Variants in ZNF236 observed in about 807,000 individuals in gnomAD.
The protein encoded by ZNF236 is zinc finger protein 236, also known as regulated by glucose.
A neutral mutation model predicts 191.2 loss-of-function variants in ZNF236; 50 were observed. That is an observed-to-expected ratio of 0.26 (90% CI 0.21 to 0.33). The LOEUF is 0.33. Among genes scored for constraint, ZNF236 ranks in the 10% least tolerant of loss-of-function variants. The pLI is 1.00. For missense variants in ZNF236, 1,754 were observed against 2,374.5 expected (o/e 0.74, Z 5.43); for synonymous variants, 907 against 928.8 (o/e 0.98, Z 0.43).
Position 76,905,333 on chromosome 18 carries a change from G to A in ZNF236, c.2215G>A (p.Asp739Asn). ...ACGGCGACACATGGGTATCCACAACGACCTTCGTCCCTATATGTGTCCCTA... is the reference window on the plus strand; with the variant it reads ...ACGGCGACACATGGGTATCCACAACAACCTTCGTCCCTATATGTGTCCCTA... ...SLRRHMGIHN[D>N]LRPYMCPYCQ... Residue 739 changes from aspartate (D) to asparagine (N), a missense_variant, in exon 13 of 31, where the codon GAC (aspartate) becomes AAC (asparagine). By Grantham distance (23) the Asp-to-Asn change is conservative (BLOSUM62 1). Around this residue, in one of 5 missense-constraint regions of ZNF236, gnomAD observed 641 missense variants for 869.6 expected, o/e 0.74. Coordinates refer to ENST00000320610, the MANE Select transcript of ZNF236 (RefSeq NM_001306089.2). 9 of 1,614,164 alleles carry A rather than the reference G, an allele frequency of 5.6e-6. No individual in the cohort carries two copies. The highest frequency in any genetic ancestry group is 2.2e-5 in the South Asian group (2 of 91,064).
At chr18:76,891,647 G>A (rs142643370) in intron 9 of ZNF236, among the ~76,000 whole-genome samples, 1 of 152,080 alleles carries the variant, frequency 6.6e-6, no homozygotes, top group African/African-American at 2.4e-5. Context: ...CAAAGTGCTG[G>A]TATTACAGTC....
At position 76,960,778 on chromosome 18, in the gene ZNF236, A is replaced by G. The variant is rs868541435; in HGVS notation, c.5342A>G (p.Lys1781Arg). ...AAGCACACGGGGGAGCGGCCCTACA[A>G]GTGTGCCTACTGCGTCATGGGCTTC... ...MKKHTGERPY[K>R]CAYCVMGFTQ... Residue 1781 changes from lysine to arginine, a missense_variant, in exon 30 of 31, where the codon AAG (lysine) becomes AGG (arginine). This residue lies in a region of ZNF236 where 606 missense variants were observed against 761.5 expected (regional missense o/e 0.80). Transcript: ENST00000320610. The surrounding 1 kb of genome is among the most constrained non-coding windows in gnomAD (Gnocchi z 4.4). 5 of 1,614,060 alleles carry G rather than the reference A, an allele frequency of 3.1e-6. No individual in the cohort carries two copies. Among genetic ancestry groups the G allele is most frequent in the South Asian group, 1.1e-5 (1 of 91,086 alleles).
chr18:76,875,811 A>T lies in ZNF236; in HGVS notation c.840+147A>T. 1 of 872,708 alleles carries T rather than the reference A, an allele frequency of 1.1e-6. No homozygotes were observed. The highest frequency in any genetic ancestry group is 1.7e-5 in the African/African-American group (1 of 57,660). The allele number at this position is 872,708 out of a possible 1,614,324, so 54.1% of individuals were successfully genotyped here. On this transcript the variant is annotated intron_variant, in intron 6 of 30. Coordinates refer to ENST00000320610, the MANE Select transcript of ZNF236 (RefSeq NM_001306089.2). The surrounding 1 kb of genome is among the most constrained non-coding windows in gnomAD (Gnocchi z 4.3). ...GCAGACCCTGTTTTAAAAAATACAT[A>T]CGTGGGAATTTTTTTGGTTTATTAC...
intron 10 of ZNF236, among the ~76,000 whole-genome samples, chr18:76,897,198 A>G (rs887996583): frequency 2.6e-5 from 4 of 151,546 alleles, no homozygotes; most frequent in African/African-American, 7.3e-5. Context: ...CTGGTACCGC[A>G]TAAAGTACCA....
At chr18:76,838,795 C>G (rs1246561411) in intron 1 of ZNF236, among the ~76,000 whole-genome samples, 1 of 152,096 alleles carries the variant, frequency 6.6e-6, no homozygotes, top group Non-Finnish European at 1.5e-5. Context: ...GAATTTTTCT[C>G]AAAGAGAACT....
chr18:76,967,103 GAT>G lies in ZNF236; in HGVS notation c.5420-1111_5420-1110del, dbSNP rs1168286161. 4.4e-3 allele frequency among the ~76,000 whole-genome samples: 294 copies of G among 66,376 alleles called. 2 individuals are homozygous for G. The highest frequency in any genetic ancestry group is 0.017 in the African/African-American group (265 of 15,834). 43.5% of individuals were successfully genotyped at this position (66,376 alleles called of 152,430 possible). The stretch of plus-strand genomic sequence containing the variant: ...TTGTTGGAGGTGATGTGATTCGTGA[GAT>G]GTGTTATTTGGTTGTTGGAGGTGAT... On this transcript the variant is annotated intron_variant, in intron 30 of 30. Coordinates refer to ENST00000320610, the MANE Select transcript of ZNF236 (RefSeq NM_001306089.2).
In ZNF236 at chr18:76,956,031, A is replaced by C. The variant is rs528380156; in HGVS notation, c.4961A>C (p.Lys1654Thr). The C allele has an allele frequency of 2.2e-4, 361 of 1,610,620 alleles. No individual in the cohort carries two copies. The highest frequency in any genetic ancestry group is 6.4e-4 in the Middle Eastern group (3 of 4,702). Residue 1654 changes from lysine (K) to threonine (T), a missense_variant, in exon 28 of 31, where the codon AAG becomes ACG. By Grantham distance (78) the Lys-to-Thr change is moderately conservative. Coordinates refer to ENST00000320610, the MANE Select transcript of ZNF236 (RefSeq NM_001306089.2). Reference sequence around the variant, plus strand: ...CTGGCCCCGGGCAACCAGCCAGAGAAGGAGGGCCGGGCGCACCAGTGCCTG... The same window carrying C: ...CTGGCCCCGGGCAACCAGCCAGAGACGGAGGGCCGGGCGCACCAGTGCCTG... ...GNLAPGNQPE[K>T]EGRAHQCLEC...
chr18:76,942,585 C>T lies in ZNF236; in HGVS notation c.4783-4936C>T, dbSNP rs532605575. ...GGAGTGCAGTGGCACGATCTCCGCT[C>T]AGTGCAAGCTCCGCTTCCCGGGTTC... is the stretch of plus-strand genomic sequence containing the variant. On this transcript the variant is annotated intron_variant, in intron 26 of 30. Coordinates refer to ENST00000320610, the MANE Select transcript of ZNF236 (RefSeq NM_001306089.2). 2.6e-5 allele frequency among the ~76,000 whole-genome samples: 4 copies of T among 151,732 alleles called. No homozygotes were observed. The East Asian group carries it at 7.8e-4, about 30-fold the overall frequency.
At chr18:76,833,536 G>A (rs1459248163) in intron 1 of ZNF236, among the ~76,000 whole-genome samples, 1 of 152,060 alleles carries the variant, frequency 6.6e-6, no homozygotes, top group East Asian at 1.9e-4. Context: ...GTATCCCTGG[G>A]ATACAGGCAA....
At chr18:76,949,985 T>C (rs1968364514) in intron 27 of ZNF236, among the ~76,000 whole-genome samples, 1 of 151,942 alleles carries the variant, frequency 6.6e-6, no homozygotes, top group Admixed American at 6.6e-5. Flanking sequence ...TAAATGTACA[T>C]ACCTTAATTT....
intron 1 of ZNF236, among the ~76,000 whole-genome samples, chr18:76,824,001 CCCTAT>C (rs1974946637): frequency 1.3e-5 from 2 of 152,316 alleles, no homozygotes; most frequent in Admixed American, 1.3e-4. Flanking sequence ...GCCTAGGACT[CCCTAT>C]GGGAGTCGGT....
chr18:76,861,712 C>T (rs1976232707), intron 3 of ZNF236, among the ~76,000 whole-genome samples: 1 of 152,180 alleles, frequency 6.6e-6, no homozygotes, highest in African/African-American at 2.4e-5. Context: ...GTTCCAGCCA[C>T]AGTGGAGCAG....
At chr18:76,877,827 G>A (rs1235282495) in intron 6 of ZNF236, among the ~76,000 whole-genome samples, 182 bp from the exon 7 acceptor site, 1 of 152,094 alleles carries the variant, frequency 6.6e-6, no homozygotes, top group Admixed American at 6.5e-5. Flanking sequence ...CGGCAATATT[G>A]TTTAAAGAGT....
chr18:76,948,274 T>C (rs956824113), intron 27 of ZNF236, among the ~76,000 whole-genome samples: 3 of 152,188 alleles, frequency 2.0e-5, no homozygotes, highest in East Asian at 1.9e-4. Context: ...TAAACATTTT[T>C]AGCAAATGAG....
intron 30 of ZNF236, among the ~76,000 whole-genome samples, chr18:76,961,255 T>A (rs1432330868): frequency 6.6e-6 from 1 of 152,166 alleles, no homozygotes; most frequent in South Asian, 2.1e-4. Context: ...GAACATGCGA[T>A]GTTTGGTTTT....
At chr18:76,949,965 GT>G (rs36040691) in intron 27 of ZNF236, among the ~76,000 whole-genome samples, 148,489 of 151,568 alleles carry the variant, frequency 0.98, 72,808 homozygotes, top group Non-Finnish European at 1. Flanking sequence ...CCAGCATTAC[GT>G]TTTTTTTTTA....
Position 76,972,208 on chromosome 18 carries a change from C to T in ZNF236, c.*3869C>T, listed in dbSNP as rs541067067. On this transcript the variant is annotated 3_prime_UTR_variant, in exon 31 of 31. Coordinates refer to ENST00000320610, the MANE Select transcript of ZNF236 (RefSeq NM_001306089.2). ...CTTTCCCATATTCTAATGAAAAGAT[C>T]GTACGCCAAAGGCCACTGAGCTGGC... 1.3e-5 allele frequency among the ~76,000 whole-genome samples: 2 copies of T among 152,308 alleles called. No individual in the cohort carries two copies. The highest frequency in any genetic ancestry group is 4.1e-4 in the South Asian group (2 of 4,826).
intron 1 of ZNF236, among the ~76,000 whole-genome samples, chr18:76,824,861 C>T (rs1246036846): frequency 6.6e-6 from 1 of 152,242 alleles, no homozygotes; most frequent in Non-Finnish European, 1.5e-5. Flanking sequence ...CCTCCCTCTC[C>T]GGGCTGGAGA....
intron 3 of ZNF236, 124 bp downstream of exon 3, chr18:76,852,063 A>C: frequency 4.9e-6 from 5 of 1,011,712 alleles, no homozygotes; most frequent in Non-Finnish European, 7.0e-6. Flanking sequence ...CAAGGAGTGA[A>C]TTGTCATTAG....
Sources: gnomAD v4.1 joint callset for allele counts (sites outside exome capture counted in the v4.1 genomes callset) on GRCh38, gnomAD v4.1.1 for gene constraint, gnomAD v4.1.1 regional missense constraint, Gnocchi (gnomAD v3.1) non-coding constraint, MANE v1.5 for transcripts, NCBI Gene and HGNC (gene_info 2026-07-23, HGNC 2026-07-21) for gene names.